Variants in KLHL29 observed in about 807,000 individuals in gnomAD.
KLHL29 encodes kelch like family member 29.
KLHL29 carries 21 observed loss-of-function variants against 80.4 expected under a neutral mutation model. The observed-to-expected ratio is 0.26, with a 90% confidence interval of 0.19 to 0.38. The LOEUF (loss-of-function observed/expected upper bound fraction) is 0.38, where lower values mean the gene tolerates loss of function less well. Ranked by LOEUF, KLHL29 falls within the 10% of genes least tolerant of loss-of-function variation. The pLI, the probability that KLHL29 is intolerant of heterozygous loss-of-function variation, is 1.00. For synonymous variants in KLHL29, 511 were observed against 526.8 expected (o/e 0.97, Z 0.41); for missense variants, 867 against 1,223.9 (o/e 0.71, Z 4.35).
intron 3 of KLHL29, among the ~76,000 whole-genome samples, chr2:23,614,577 A>T (rs1348722435): frequency 6.6e-6 from 1 of 152,248 alleles, no homozygotes; most frequent in African/African-American, 2.4e-5. Context: ...CGGCTTAGAG[A>T]ATATTGTACA....
chr2:23,484,946 G>A (rs560745576), intron 2 of KLHL29, among the ~76,000 whole-genome samples: 13 of 152,198 alleles, frequency 8.5e-5, no homozygotes, highest in African/African-American at 3.1e-4. Context: ...CTATCTCCTG[G>A]CAAAGAGCTC....
intron 2 of KLHL29, among the ~76,000 whole-genome samples, chr2:23,498,812 G>A (rs1050913687): frequency 6.6e-6 from 1 of 152,228 alleles, no homozygotes; most frequent in Non-Finnish European, 1.5e-5. Flanking sequence ...ATATTGGACA[G>A]TGTAACCTTA....
chr2:23,648,391 T>G (rs1262907444), intron 5 of KLHL29, among the ~76,000 whole-genome samples: 1 of 152,078 alleles, frequency 6.6e-6, no homozygotes, highest in Non-Finnish European at 1.5e-5. Flanking sequence ...CAGGGCCATC[T>G]TTCAGTGTCC....
chr2:23,706,900 T>G lies in KLHL29; in HGVS notation c.*236T>G. 1 of 457,314 alleles carries G rather than the reference T, an allele frequency of 2.2e-6. No homozygotes were observed. 28.3% of individuals were successfully genotyped at this position (457,314 alleles called of 1,614,324 possible). ...ACCACGATCCCGCCATGGGGCTGGC[T>G]GCCTCCTGAACAGGGGCGCTCGCTC... On this transcript the variant is annotated 3_prime_UTR_variant, in exon 14 of 14. Transcript: ENST00000486442.
chr2:23,544,852 G>T (rs1048287992), intron 2 of KLHL29, among the ~76,000 whole-genome samples: 9 of 152,184 alleles, frequency 5.9e-5, no homozygotes, highest in Admixed American at 2.0e-4. Context: ...GGGGCAGGGG[G>T]AGACCAAACA....
At chr2:23,442,825 A>G (rs7570872) in intron 1 of KLHL29, among the ~76,000 whole-genome samples, 67,627 of 152,010 alleles carry the variant, frequency 0.44, 15,814 homozygotes, top group African/African-American at 0.6. Flanking sequence ...CCAAAGTAAC[A>G]GTCCATTATT....
At chr2:23,528,731 C>T (rs1666403948) in intron 2 of KLHL29, among the ~76,000 whole-genome samples, 1 of 152,210 alleles carries the variant, frequency 6.6e-6, no homozygotes, top group South Asian at 2.1e-4. Flanking sequence ...AGGCTACTTC[C>T]TAGATCCATA....
intron 1 of KLHL29, among the ~76,000 whole-genome samples, chr2:23,412,693 CA>C (rs1572492072): frequency 2.0e-5 from 3 of 152,110 alleles, no homozygotes; most frequent in Admixed American, 2.0e-4. Flanking sequence ...TGGGCCTGGA[CA>C]AAAAAGTTCC....
chr2:23,450,980 A>G (rs1460598098), intron 1 of KLHL29, among the ~76,000 whole-genome samples: 6 of 152,192 alleles, frequency 3.9e-5, no homozygotes, highest in African/African-American at 1.4e-4. Flanking sequence ...TGACAGATCC[A>G]CTTTCTATGT....
chr2:23,663,737 A>G (rs1418039206), intron 5 of KLHL29, among the ~76,000 whole-genome samples: 2 of 152,254 alleles, frequency 1.3e-5, no homozygotes, highest in Non-Finnish European at 2.9e-5. Flanking sequence ...AATCATTATA[A>G]AGCACAAGCA....
chr2:23,664,835 C>T (rs573037021), intron 5 of KLHL29, among the ~76,000 whole-genome samples: 2 of 152,000 alleles, frequency 1.3e-5, no homozygotes, highest in South Asian at 4.1e-4. Flanking sequence ...CGGGGCCAAT[C>T]ACTCCCCTTC....
At chr2:23,488,225 C>T (rs532933363) in intron 2 of KLHL29, among the ~76,000 whole-genome samples, 261 of 152,304 alleles carry the variant, frequency 1.7e-3, no homozygotes, top group Non-Finnish European at 2.6e-3. Flanking sequence ...AAAGATTCCA[C>T]CCCTGGGCGC....
intron 1 of KLHL29, among the ~76,000 whole-genome samples, chr2:23,414,555 CAGGG>C (rs1387482158): frequency 6.6e-6 from 1 of 152,178 alleles, no homozygotes; most frequent in Non-Finnish European, 1.5e-5. Flanking sequence ...AGAGGTCACA[CAGGG>C]AGAGCAGGAG....
intron 4 of KLHL29, 98 bp downstream of exon 4, chr2:23,639,378 A>T (rs1669705064): frequency 3.2e-6 from 4 of 1,240,790 alleles, no homozygotes; most frequent in Non-Finnish European, 4.4e-6. Context: ...GCAGGTCTTG[A>T]ACCCAGGGCC....
At chr2:23,620,655 C>T (rs562786) in intron 3 of KLHL29, among the ~76,000 whole-genome samples, 69,313 of 151,858 alleles carry the variant, frequency 0.46, 16,573 homozygotes, top group African/African-American at 0.6. Flanking sequence ...GCAGGCAGGA[C>T]ATCCAAGTGG....
chr2:23,557,722 C>T (rs1207973745), intron 2 of KLHL29, among the ~76,000 whole-genome samples: 1 of 152,082 alleles, frequency 6.6e-6, no homozygotes, highest in Non-Finnish European at 1.5e-5. Context: ...TCAGAGGGGC[C>T]GGGTTGCTGG....
At chr2:23,666,819 C>G (rs371917401) in intron 5 of KLHL29, among the ~76,000 whole-genome samples, 1 of 152,224 alleles carries the variant, frequency 6.6e-6, no homozygotes, top group South Asian at 2.1e-4. Context: ...AAAGGCAGCC[C>G]GACCCTCTGT....
At chr2:23,502,272 TAGAGGGAGAG>T (rs1453939438) in intron 2 of KLHL29, among the ~76,000 whole-genome samples, 1 of 152,152 alleles carries the variant, frequency 6.6e-6, no homozygotes, top group Non-Finnish European at 1.5e-5. Flanking sequence ...GACTCCAGAT[TAGAGGGAGAG>T]AGAGCGAGAG....
chr2:23,705,363 C>T (rs974558106), intron 13 of KLHL29, among the ~76,000 whole-genome samples: 3 of 152,008 alleles, frequency 2.0e-5, no homozygotes, highest in Non-Finnish European at 4.4e-5. Flanking sequence ...TGGTGGCAGG[C>T]GCCTGTAATC....
Sources: allele counts gnomAD v4.1 joint callset (sites outside exome capture counted in the v4.1 genomes callset), GRCh38; gene constraint gnomAD v4.1.1; transcripts MANE v1.5; gene names NCBI Gene and HGNC (gene_info 2026-07-23, HGNC 2026-07-21).